EDA: variants seen among roughly 807,000 people sequenced by gnomAD.
EDA encodes the protein ectodysplasin-A.
Under a neutral mutation model 23.6 loss-of-function variants are expected in EDA, and 2 were observed. That is an observed-to-expected ratio of 0.08 (90% confidence interval 0.03 to 0.27). The LOEUF (loss-of-function observed/expected upper bound fraction) is 0.27, where lower values mean the gene tolerates loss of function less well. Among genes scored for constraint, EDA ranks in the 10% least tolerant of loss-of-function variants. EDA has a pLI of 1.00. For synonymous variants in EDA, 131 were observed against 132.0 expected (o/e 0.99, Z 0.05); for missense variants, 229 against 324.2 (o/e 0.71, Z 2.26).
At chrX:69,838,763 A>G (rs958263447) in intron 1 of EDA, among the ~76,000 whole-genome samples, 1 of 112,659 alleles carries the variant, frequency 8.9e-6, no homozygotes, top group African/African-American at 3.2e-5. Flanking sequence ...GTTGATCCAA[A>G]GGAATATATC....
At chrX:69,623,987 G>T (rs1456982445) in intron 1 of EDA, among the ~76,000 whole-genome samples, 1 of 110,336 alleles carries the variant, frequency 9.1e-6, no homozygotes, top group African/African-American at 3.3e-5. Context: ...CATTTTGGGG[G>T]TTTAAAAAAA....
intron 1 of EDA, chrX:69,937,293 C>T: frequency 1.5e-6 from 1 of 688,300 alleles, no homozygotes; most frequent in Non-Finnish European, 2.4e-6. Flanking sequence ...GAACATTCCT[C>T]TCATTTTGAA....
intron 2 of EDA, among the ~76,000 whole-genome samples, chrX:70,022,494 G>A (rs180976979): frequency 2.3e-4 from 25 of 108,720 alleles, no homozygotes; most frequent in African/African-American, 7.0e-4. Flanking sequence ...CCACCACCAC[G>A]CCCAGCTAAT....
At chrX:70,023,134 G>T in intron 2 of EDA, 84 bp from the exon 3 acceptor site, 3 of 635,208 alleles carry the variant, frequency 4.7e-6, no homozygotes, top group Non-Finnish European at 7.4e-6. Flanking sequence ...GTGTCTTGGG[G>T]ATCCCTCCTA....
chrX:69,859,286 T>A, intron 1 of EDA, among the ~76,000 whole-genome samples: 1 of 111,560 alleles, frequency 9.0e-6, no homozygotes, highest in African/African-American at 3.3e-5. Context: ...TTGGGGTTTG[T>A]TTGTTCTTGA....
chrX:69,936,701 A>G (rs1349405582), intron 1 of EDA, among the ~76,000 whole-genome samples: 1 of 111,798 alleles, frequency 8.9e-6, no homozygotes, highest in Admixed American at 9.5e-5. Context: ...TACAAAACTG[A>G]TGGTCCACAA....
chrX:69,638,894 C>T (rs1414684175), intron 1 of EDA, among the ~76,000 whole-genome samples: 1 of 111,091 alleles, frequency 9.0e-6, no homozygotes, highest in African/African-American at 3.3e-5. Context: ...TTTATCCTTC[C>T]AAATGGAAAC....
At chrX:69,808,302 C>T (rs1202638552) in intron 1 of EDA, among the ~76,000 whole-genome samples, 1 of 111,632 alleles carries the variant, frequency 9.0e-6, no homozygotes, top group African/African-American at 3.3e-5. Context: ...TCCCATATGG[C>T]AGAGTTCAGG....
chrX:69,724,613 A>T (rs1488439468), intron 1 of EDA, among the ~76,000 whole-genome samples: 1 of 111,188 alleles, frequency 9.0e-6, no homozygotes, highest in Non-Finnish European at 1.9e-5. Flanking sequence ...GATCATGTAA[A>T]CACTTCTCCC....
chrX:69,727,145 GT>G (rs1394100785), intron 1 of EDA, among the ~76,000 whole-genome samples: 1 of 111,433 alleles, frequency 9.0e-6, no homozygotes, highest in Non-Finnish European at 1.9e-5. Flanking sequence ...TTCCCCCAGA[GT>G]TCGGCTGTCC....
At chrX:69,848,169 A>G (rs1028055517) in intron 1 of EDA, among the ~76,000 whole-genome samples, 2 of 112,212 alleles carry the variant, frequency 1.8e-5, no homozygotes, top group African/African-American at 3.2e-5. Flanking sequence ...AAACTTAAAT[A>G]TAAAAGGACA....
At chrX:69,945,490 C>T (rs910367716) in intron 1 of EDA, among the ~76,000 whole-genome samples, 2 of 111,830 alleles carry the variant, frequency 1.8e-5, no homozygotes, top group African/African-American at 6.5e-5. Flanking sequence ...TCAAAGGATT[C>T]GTTAGAGTTA....
At chrX:69,829,561 G>T (rs745534456) in intron 1 of EDA, among the ~76,000 whole-genome samples, 12 of 112,222 alleles carry the variant, frequency 1.1e-4, no homozygotes, top group Admixed American at 2.8e-4. Flanking sequence ...ATGGTTGTTT[G>T]CAAAGATGTA....
At chrX:70,007,498 A>G (rs2019818314) in intron 2 of EDA, among the ~76,000 whole-genome samples, 1 of 111,639 alleles carries the variant, frequency 9.0e-6, no homozygotes, top group South Asian at 3.8e-4. Flanking sequence ...GCCTGCCTCC[A>G]TGTAAGACAT....
At chrX:69,788,513 C>G (rs1357372621) in intron 1 of EDA, among the ~76,000 whole-genome samples, 1 of 111,854 alleles carries the variant, frequency 8.9e-6, no homozygotes, top group South Asian at 3.8e-4. Flanking sequence ...TTCTAACAGA[C>G]AGGACCCTCA....
intron 2 of EDA, among the ~76,000 whole-genome samples, chrX:70,017,928 A>G (rs1178756658): frequency 8.9e-6 from 1 of 112,024 alleles, no homozygotes; most frequent in Non-Finnish European, 1.9e-5. Flanking sequence ...TTTGCAGACA[A>G]TATGATTCTA....
intron 1 of EDA, among the ~76,000 whole-genome samples, chrX:69,832,350 TGTGTGGTATTATTTC>T (rs746745890): frequency 4.9e-4 from 55 of 111,509 alleles, no homozygotes; most frequent in Non-Finnish European, 7.9e-4. Context: ...TGGTTGTAGA[TGTGTGGTATTATTTC>T]TGAGGGCTCT....
At chrX:69,880,405 CA>C (rs2017726358) in intron 1 of EDA, among the ~76,000 whole-genome samples, 1 of 112,018 alleles carries the variant, frequency 8.9e-6, no homozygotes, top group Admixed American at 9.5e-5. Flanking sequence ...ACAACAACAA[CA>C]AAAAATTCAA....
At chrX:69,661,307 T>C (rs1357952563) in intron 1 of EDA, among the ~76,000 whole-genome samples, 2 of 92,120 alleles carry the variant, frequency 2.2e-5, no homozygotes, top group East Asian at 3.6e-4. Context: ...GCCTCTTCAC[T>C]CTGATGGTAG....
Sources: allele counts gnomAD v4.1 joint callset (sites outside exome capture counted in the v4.1 genomes callset), GRCh38; gene constraint gnomAD v4.1.1; transcripts MANE v1.5; gene names NCBI Gene and HGNC (gene_info 2026-07-23, HGNC 2026-07-21).